WDPCP: variants seen among roughly 807,000 people sequenced by gnomAD.
WDPCP encodes the protein WD repeat containing planar cell polarity effector, also known as WD repeat-containing and planar cell polarity effector protein fritz homolog.
In WDPCP, 71 loss-of-function variants were observed where a neutral mutation model predicts 93.1. The observed-to-expected ratio is 0.76, with a 90% confidence interval of 0.63 to 0.93. WDPCP has a LOEUF of 0.93. Among genes scored for constraint, WDPCP ranks in the 40% least tolerant of loss-of-function variants. The probability of loss-of-function intolerance (pLI) is 0.00; values close to 1 mark genes in which losing one functional copy is unlikely to be tolerated. For synonymous variants in WDPCP, 315 were observed against 315.0 expected (o/e 1.00, Z 0.00); for missense variants, 844 against 887.4 (o/e 0.95, Z 0.62).
chr2:63,354,649 T>G (rs9789431), intron 12 of WDPCP, among the ~76,000 whole-genome samples: 5 of 151,960 alleles, frequency 3.3e-5, no homozygotes, highest in Non-Finnish European at 7.4e-5. Context: ...CCCACACACA[T>G]ATATGTGTGT....
intron 17 of WDPCP, among the ~76,000 whole-genome samples, chr2:63,127,628 T>C (rs1006059090): frequency 1.4e-5 from 2 of 147,484 alleles, no homozygotes; most frequent in Non-Finnish European, 3.0e-5. Context: ...ATTAATGTAA[T>C]TGTCAACATG....
chr2:63,760,386 C>T (rs1425256200), intron 2 of WDPCP, among the ~76,000 whole-genome samples: 8 of 152,094 alleles, frequency 5.3e-5, no homozygotes, highest in Non-Finnish European at 8.8e-5. Context: ...CGTTTACACA[C>T]GAAAAGGATT....
chr2:63,651,307 GA>G (rs1369795985), intron 2 of WDPCP, among the ~76,000 whole-genome samples: 1 of 152,126 alleles, frequency 6.6e-6, no homozygotes, highest in East Asian at 1.9e-4. Context: ...GGGGATAGAA[GA>G]CATGAAATTA....
intron 1 of WDPCP, among the ~76,000 whole-genome samples, chr2:63,562,940 G>C (rs1347185417): frequency 6.6e-6 from 1 of 152,116 alleles, no homozygotes; most frequent in Non-Finnish European, 1.5e-5. Flanking sequence ...GAAAATGATA[G>C]TTAAAAATAG....
intron 3 of WDPCP, chr2:63,605,430 T>A (rs1188849232): frequency 7.1e-6 from 10 of 1,406,386 alleles, no homozygotes; most frequent in Non-Finnish European, 9.1e-6. Flanking sequence ...CACTCTATTT[T>A]ATTTTTGTTG....
chr2:63,583,415 T>C lies in WDPCP; in HGVS notation c.75+4782A>G, dbSNP rs547995685. ...ATTTTGAAAACCTGGCAGAGCACGG[T>C]GGCTCATGCCTGTAATCCAAGCACT... On this transcript the variant is annotated intron_variant, in intron 1 of 17. Transcript: ENST00000272321. Among the ~76,000 whole-genome samples, 12 of 152,336 alleles carry C rather than the reference T, an allele frequency of 7.9e-5. No homozygotes were observed. The South Asian group carries it at 1.7e-3, about 21-fold the overall frequency.
At chr2:63,186,408 C>T (rs1468609974) in intron 14 of WDPCP, among the ~76,000 whole-genome samples, 3 of 152,216 alleles carry the variant, frequency 2.0e-5, no homozygotes, top group African/African-American at 4.8e-5. Context: ...TCTCTAATGC[C>T]CATGGCTACT....
At chr2:63,154,766 G>GA (rs1377176614) in intron 15 of WDPCP, among the ~76,000 whole-genome samples, 4 of 152,102 alleles carry the variant, frequency 2.6e-5, no homozygotes, top group African/African-American at 9.7e-5. Flanking sequence ...ATGCGACAAT[G>GA]AATGAGAGTT....
chr2:63,187,517 C>A (rs1381844325), intron 14 of WDPCP, among the ~76,000 whole-genome samples: 1 of 152,046 alleles, frequency 6.6e-6, no homozygotes, highest in African/African-American at 2.4e-5. Context: ...TTGTGGTTAC[C>A]ACTGCAATTG....
chr2:63,453,955 G>T (rs12478365), intron 6 of WDPCP, among the ~76,000 whole-genome samples: 23,775 of 118,746 alleles, frequency 0.2, 2,283 homozygotes, highest in Non-Finnish European at 0.24. Context: ...GTTGTGGGGT[G>T]GGGGGAGGGA....
intron 12 of WDPCP, among the ~76,000 whole-genome samples, chr2:63,340,870 G>C (rs1298437910): frequency 6.6e-6 from 1 of 152,100 alleles, no homozygotes; most frequent in East Asian, 1.9e-4. Context: ...AAATCCAGAA[G>C]TTCCTCCTTT....
At chr2:63,129,680 C>T (rs928611164) in intron 17 of WDPCP, among the ~76,000 whole-genome samples, 1 of 152,058 alleles carries the variant, frequency 6.6e-6, no homozygotes, top group African/African-American at 2.4e-5. Context: ...TTATTTGTCA[C>T]TTATTATATA....
chr2:63,714,453 G>T (rs2103763061), intron 2 of WDPCP, among the ~76,000 whole-genome samples: 1 of 152,090 alleles, frequency 6.6e-6, no homozygotes. Context: ...AATGCTGTGG[G>T]TTTTCTCTTT....
At chr2:63,359,729 C>T (rs1434835289) in intron 12 of WDPCP, 1 of 152,168 alleles carries the variant, frequency 6.6e-6, no homozygotes, top group Non-Finnish European at 1.5e-5. Context: ...TTTGTAATAG[C>T]CCCAAACTGG....
chr2:63,605,424 C>T, intron 3 of WDPCP: 1 of 1,450,976 alleles, frequency 6.9e-7, no homozygotes, highest in Non-Finnish European at 9.7e-7. Flanking sequence ...ACAGGTCACT[C>T]TATTTTATTT....
At chr2:63,703,642 C>T (rs1162239268) in intron 2 of WDPCP, among the ~76,000 whole-genome samples, 2 of 151,990 alleles carry the variant, frequency 1.3e-5, no homozygotes, top group Non-Finnish European at 2.9e-5. Context: ...GGGCTCTGTT[C>T]TGTTCCATGG....
At chr2:63,516,767 G>A (rs1322344349) in intron 1 of WDPCP, among the ~76,000 whole-genome samples, 1 of 151,746 alleles carries the variant, frequency 6.6e-6, no homozygotes, top group African/African-American at 2.4e-5. Context: ...TGAGGATAAT[G>A]GGTTTTTTTT....
intron 14 of WDPCP, among the ~76,000 whole-genome samples, chr2:63,217,023 C>T (rs1194592761): frequency 2.6e-5 from 4 of 152,136 alleles, no homozygotes; most frequent in South Asian, 2.1e-4. Context: ...CTCAGTGATA[C>T]GTTTTTCCTT....
At chr2:63,314,949 G>A (rs1304793195) in intron 12 of WDPCP, among the ~76,000 whole-genome samples, 1 of 152,174 alleles carries the variant, frequency 6.6e-6, no homozygotes, top group Non-Finnish European at 1.5e-5. Flanking sequence ...TTCTAGGTAA[G>A]AGGTAATGAT....
Sources: allele counts gnomAD v4.1 joint callset (sites outside exome capture counted in the v4.1 genomes callset), GRCh38; gene constraint gnomAD v4.1.1; transcripts MANE v1.5; gene names NCBI Gene and HGNC (gene_info 2026-07-23, HGNC 2026-07-21).